CCDC148: variants seen among roughly 807,000 people sequenced by gnomAD.
CCDC148 encodes coiled-coil domain containing 148.
A neutral mutation model predicts 85.7 loss-of-function variants in CCDC148; 89 were observed. That is an observed-to-expected ratio of 1.04 (90% CI 0.87 to 1.24). CCDC148 has a LOEUF of 1.24. Among genes scored for constraint, CCDC148 ranks in the 50% most tolerant of loss-of-function variants. The probability of loss-of-function intolerance (pLI) is 0.00; values close to 1 mark genes in which losing one functional copy is unlikely to be tolerated. For synonymous variants in CCDC148, 230 were observed against 213.9 expected (o/e 1.08, Z -0.66); for missense variants, 692 against 671.7 (o/e 1.03, Z -0.33).
intron 10 of CCDC148, among the ~76,000 whole-genome samples, chr2:158,234,361 C>G (rs939404214): frequency 9.2e-5 from 14 of 152,208 alleles, no homozygotes; most frequent in Non-Finnish European, 1.5e-4. Flanking sequence ...GCAATTAAAA[C>G]TGTTTGCGTT....
chr2:158,261,715 A>G (rs1414807356), intron 9 of CCDC148, among the ~76,000 whole-genome samples: 1 of 152,132 alleles, frequency 6.6e-6, no homozygotes, highest in Non-Finnish European at 1.5e-5. Context: ...ATGAACAGAT[A>G]CTTTTCAAAA....
intron 9 of CCDC148, among the ~76,000 whole-genome samples, chr2:158,300,712 T>C (rs1306874737): frequency 6.6e-6 from 1 of 152,178 alleles, no homozygotes; most frequent in Non-Finnish European, 1.5e-5. Flanking sequence ...AATTGTAATG[T>C]GTAAAATGGA....
At chr2:158,354,448 A>G (rs1316295078) in intron 2 of CCDC148, among the ~76,000 whole-genome samples, 6 of 151,586 alleles carry the variant, frequency 4.0e-5, no homozygotes, top group African/African-American at 1.5e-4. Flanking sequence ...TACTACAAAC[A>G]CCTCTACGCA....
chr2:158,174,462 C>G (rs1684474726), intron 13 of CCDC148, among the ~76,000 whole-genome samples: 1 of 152,038 alleles, frequency 6.6e-6, no homozygotes, highest in Non-Finnish European at 1.5e-5. Context: ...ATGCCCACCC[C>G]CACCAATTTT....
chr2:158,454,984 G>A (rs1228748207), intron 1 of CCDC148, among the ~76,000 whole-genome samples: 1 of 152,098 alleles, frequency 6.6e-6, no homozygotes, highest in African/African-American at 2.4e-5. Context: ...AAAGATTATT[G>A]GAGTAATAAT....
At chr2:158,254,171 C>G (rs1688917772) in intron 9 of CCDC148, among the ~76,000 whole-genome samples, 1 of 151,472 alleles carries the variant, frequency 6.6e-6, no homozygotes, top group Non-Finnish European at 1.5e-5. Context: ...TGTAAATAAA[C>G]CAATGTGAAA....
chr2:158,330,289 T>C (rs1174152035), intron 7 of CCDC148, among the ~76,000 whole-genome samples: 1 of 152,240 alleles, frequency 6.6e-6, no homozygotes, highest in African/African-American at 2.4e-5. Flanking sequence ...TCTTTGGTTC[T>C]GTTTATATGC....
At chr2:158,255,610 T>C (rs114457779) in intron 9 of CCDC148, among the ~76,000 whole-genome samples, 30 of 151,676 alleles carry the variant, frequency 2.0e-4, no homozygotes, top group Middle Eastern at 3.4e-3. Flanking sequence ...ATTAGTACAA[T>C]AGACTAAAGC....
rs559703127 is a variant in CCDC148 at position 158,337,291 on chromosome 2, A to G, written c.764+1435T>C. 4.3e-4 allele frequency among the ~76,000 whole-genome samples: 66 copies of G among 152,250 alleles called. 1 individual carries two copies. Among genetic ancestry groups the G allele is most frequent in the African/African-American group, 1.5e-3 (62 of 41,570 alleles). ...GGGAGAGGAGGTACTGGGCCAGCCA[A>G]CTTGCTTTAAATGATAGGGTCAGAT... On this transcript the variant is annotated intron_variant, in intron 7 of 13. Transcript: ENST00000283233.
At chr2:158,323,393 T>C (rs1000098694) in intron 7 of CCDC148, among the ~76,000 whole-genome samples, 1 of 152,242 alleles carries the variant, frequency 6.6e-6, no homozygotes, top group Admixed American at 6.5e-5. Flanking sequence ...ACTATTGCAT[T>C]AAATAAGACA....
chr2:158,449,568 C>A (rs377178077), intron 1 of CCDC148, among the ~76,000 whole-genome samples: 206 of 152,198 alleles, frequency 1.4e-3, no homozygotes, highest in African/African-American at 4.6e-3. Flanking sequence ...CCTGCCTCAG[C>A]CTTTCGAGTA....
chr2:158,283,351 C>A (rs1161343074), intron 9 of CCDC148, among the ~76,000 whole-genome samples: 66 of 152,218 alleles, frequency 4.3e-4, no homozygotes, highest in South Asian at 1.9e-3. Context: ...CAACCTACAA[C>A]ATGGGAGAAA....
chr2:158,306,301 T>C (rs933510649), intron 9 of CCDC148, among the ~76,000 whole-genome samples: 1 of 151,924 alleles, frequency 6.6e-6, no homozygotes. Flanking sequence ...GGCAGGTGGA[T>C]CATGAGGTCA....
chr2:158,351,493 C>A (rs956205914), intron 2 of CCDC148, among the ~76,000 whole-genome samples: 2 of 151,274 alleles, frequency 1.3e-5, no homozygotes, highest in Non-Finnish European at 2.9e-5. Flanking sequence ...GGGTCACTCC[C>A]ACCTGAATAC....
intron 1 of CCDC148, among the ~76,000 whole-genome samples, chr2:158,404,754 A>C (rs1489922210): frequency 6.6e-6 from 1 of 152,168 alleles, no homozygotes; most frequent in Non-Finnish European, 1.5e-5. Context: ...AGTAACCTGC[A>C]TAGTGCGCCA....
chr2:158,238,396 G>C (rs543264379), intron 10 of CCDC148, among the ~76,000 whole-genome samples: 1 of 152,072 alleles, frequency 6.6e-6, no homozygotes, highest in African/African-American at 2.4e-5. Flanking sequence ...TGTCATATTG[G>C]AAACCTGTGG....
At chr2:158,281,242 T>C (rs1212852607) in intron 9 of CCDC148, among the ~76,000 whole-genome samples, 1 of 151,530 alleles carries the variant, frequency 6.6e-6, no homozygotes, top group Non-Finnish European at 1.5e-5. Context: ...GCAAACACAT[T>C]CAAAAGCTAG....
At chr2:158,313,098 G>A (rs1257680403) in intron 8 of CCDC148, among the ~76,000 whole-genome samples, 1 of 152,218 alleles carries the variant, frequency 6.6e-6, no homozygotes, top group East Asian at 1.9e-4. Flanking sequence ...GTTATAAGGT[G>A]AGTTATTGTG....
At chr2:158,278,341 G>A (rs187780523) in intron 9 of CCDC148, among the ~76,000 whole-genome samples, 220 of 152,294 alleles carry the variant, frequency 1.4e-3, no homozygotes, top group African/African-American at 5.1e-3. Flanking sequence ...CACTCGGGAT[G>A]CGAAAGGGAT....
Sources: allele counts gnomAD v4.1 joint callset (sites outside exome capture counted in the v4.1 genomes callset), GRCh38; gene constraint gnomAD v4.1.1; transcripts MANE v1.5; gene names NCBI Gene and HGNC (gene_info 2026-07-23, HGNC 2026-07-21).